The following ANO4 variants were observed in gnomAD, a reference collection of about 807,000 sequenced individuals.
ANO4 encodes the protein anoctamin-4.
Under a neutral mutation model 141.9 loss-of-function variants are expected in ANO4, and 69 were observed. The ratio of observed to expected loss-of-function variants is 0.49; its 90% CI spans 0.40 to 0.59. The LOEUF is 0.59. ANO4 is among the 20% of genes least tolerant of loss of function. The pLI, the probability that ANO4 is intolerant of heterozygous loss-of-function variation, is 0.00. For missense variants in ANO4, 894 were observed against 1,162.2 expected, an observed-to-expected ratio of 0.77 and a Z score of 3.36; for synonymous variants, 350 against 394.3, an observed-to-expected ratio of 0.89 and a Z score of 1.33.
intron 5 of ANO4, 106 bp from the exon 6 acceptor site, chr12:100,971,200 C>T: frequency 1.5e-6 from 1 of 688,928 alleles, no homozygotes; most frequent in Non-Finnish European, 2.4e-6. Context: ...AGGAATGCCC[C>T]AAATCATAAA....
chr12:101,005,615 A>G (rs1306922904), intron 8 of ANO4, among the ~76,000 whole-genome samples: 2 of 152,252 alleles, frequency 1.3e-5, no homozygotes, highest in Admixed American at 6.5e-5. Flanking sequence ...TAAATTGGAA[A>G]TAATAAAAAA....
At chr12:100,950,858 T>G (rs886357183) in intron 5 of ANO4, among the ~76,000 whole-genome samples, 93 of 152,216 alleles carry the variant, frequency 6.1e-4, no homozygotes, top group African/African-American at 2.1e-3. Flanking sequence ...CTGCCAAATC[T>G]GTGGTATTCA....
chr12:100,997,792 TC>T (rs2045458340), intron 8 of ANO4, among the ~76,000 whole-genome samples: 1 of 152,094 alleles, frequency 6.6e-6, no homozygotes, highest in Non-Finnish European at 1.5e-5. Flanking sequence ...GAAATAAAAT[TC>T]TTGCACAGGG....
chr12:100,737,881 A>T (rs1358700426), intron 2 of ANO4, among the ~76,000 whole-genome samples: 1 of 152,102 alleles, frequency 6.6e-6, no homozygotes, highest in Non-Finnish European at 1.5e-5. Flanking sequence ...AGGGTGTTCC[A>T]TTTAGGAAAA....
chr12:100,915,364 C>T (rs2041290148), intron 2 of ANO4, among the ~76,000 whole-genome samples: 1 of 152,128 alleles, frequency 6.6e-6, no homozygotes, highest in Non-Finnish European at 1.5e-5. Flanking sequence ...CCTCTCAGGA[C>T]AGGAACTACC....
intron 2 of ANO4, among the ~76,000 whole-genome samples, chr12:100,921,731 A>G (rs912144994): frequency 2.6e-5 from 4 of 152,154 alleles, no homozygotes; most frequent in Admixed American, 2.0e-4. Flanking sequence ...TGAAAAATAA[A>G]TGATGAATCG....
intron 1 of ANO4, among the ~76,000 whole-genome samples, chr12:100,897,719 T>G (rs1009549532): frequency 1.3e-4 from 20 of 152,334 alleles, no homozygotes; most frequent in African/African-American, 4.6e-4. Context: ...TCAGAGGAAC[T>G]GAAATGTGTC....
intron 9 of ANO4, among the ~76,000 whole-genome samples, chr12:101,035,585 G>A (rs1371825596): frequency 6.6e-6 from 1 of 152,172 alleles, no homozygotes; most frequent in African/African-American, 2.4e-5. Flanking sequence ...TTTTATGGAT[G>A]AGGAAATTGA....
intron 1 of ANO4, among the ~76,000 whole-genome samples, chr12:100,887,404 T>C (rs966705555): frequency 1.3e-5 from 2 of 152,230 alleles, no homozygotes; most frequent in African/African-American, 4.8e-5. Flanking sequence ...GGTATGATAA[T>C]ATTTGACCAT....
At chr12:100,969,866 T>C (rs1239852175) in intron 5 of ANO4, among the ~76,000 whole-genome samples, 1 of 152,236 alleles carries the variant, frequency 6.6e-6, no homozygotes, top group Non-Finnish European at 1.5e-5. Context: ...ACTTTACTAA[T>C]TTAAACTAGC....
intron 3 of ANO4, among the ~76,000 whole-genome samples, chr12:100,923,159 T>C (rs1358813218): frequency 1.3e-5 from 2 of 152,134 alleles, no homozygotes; most frequent in Non-Finnish European, 2.9e-5. Flanking sequence ...TATTATACTT[T>C]AAGTTCTAGG....
chr12:100,806,314 C>A (rs1483459905), intron 1 of ANO4, among the ~76,000 whole-genome samples: 3 of 152,102 alleles, frequency 2.0e-5, no homozygotes, highest in Non-Finnish European at 4.4e-5. Flanking sequence ...ATGCCTGTTT[C>A]CTCACACCTA....
chr12:101,104,583 TAATA>T (rs1359281692), intron 22 of ANO4, among the ~76,000 whole-genome samples: 3 of 142,604 alleles, frequency 2.1e-5, no homozygotes, highest in Non-Finnish European at 4.6e-5. Flanking sequence ...AGGCTTTTGA[TAATA>T]TATATATGTG....
intron 2 of ANO4, among the ~76,000 whole-genome samples, chr12:100,902,582 A>G (rs2040643808): frequency 6.6e-6 from 1 of 152,174 alleles, no homozygotes; most frequent in Admixed American, 6.5e-5. Flanking sequence ...CTCTCACCCA[A>G]TCCTGATTCC....
At chr12:101,009,763 G>A (rs188984571) in intron 8 of ANO4, among the ~76,000 whole-genome samples, 5 of 151,918 alleles carry the variant, frequency 3.3e-5, no homozygotes, top group African/African-American at 7.2e-5. Flanking sequence ...CTTGTCTTTC[G>A]GTTCAGAAAA....
intron 3 of ANO4, among the ~76,000 whole-genome samples, chr12:100,785,436 T>C (rs1260936734): frequency 6.6e-6 from 1 of 152,210 alleles, no homozygotes; most frequent in Non-Finnish European, 1.5e-5. Flanking sequence ...CAACCATTGA[T>C]ATTTTTACTG....
In ANO4 at chr12:100,727,015, A is replaced by G. The variant is rs183990116; in HGVS notation, c.23-6759A>G. ...TCTACTCTGATTTTTATCATCACAG[A>G]TTAGGGTTGAAAAACATGGCCTGTA... On this transcript the variant is annotated intron_variant, in intron 1 of 29. Coordinates refer to the ANO4 transcript ENST00000644049. Among the ~76,000 whole-genome samples the G allele has an allele frequency of 8.9e-3, 1,338 of 149,814 alleles. 14 individuals carry two copies. Among genetic ancestry groups the G allele is most frequent in the Non-Finnish European group, 0.014 (970 of 67,462 alleles).
intron 1 of ANO4, among the ~76,000 whole-genome samples, chr12:100,866,447 A>G (rs549198949): frequency 6.6e-6 from 1 of 152,176 alleles, no homozygotes; most frequent in East Asian, 1.9e-4. Flanking sequence ...GTTCTGCAGA[A>G]TCTCAGTGCC....
At chr12:100,786,608 C>T (rs1300708507) in intron 3 of ANO4, among the ~76,000 whole-genome samples, 2 of 152,166 alleles carry the variant, frequency 1.3e-5, no homozygotes, top group Non-Finnish European at 2.9e-5. Flanking sequence ...GCCCCTTCTG[C>T]CTGGAAGAAT....
Sources: allele counts gnomAD v4.1 joint callset (sites outside exome capture counted in the v4.1 genomes callset), GRCh38; gene constraint gnomAD v4.1.1; transcripts MANE v1.5; gene names NCBI Gene and HGNC (gene_info 2026-07-23, HGNC 2026-07-21).